Variants in HAPSTR1 observed in about 807,000 individuals in gnomAD.
HAPSTR1 encodes the protein HUWE1-associated protein modifying stress responses 1.
chr16:9,095,004 C>CA, the HAPSTR1 span, among the ~76,000 whole-genome samples: 1 of 152,174 alleles, frequency 6.6e-6, no homozygotes. Flanking sequence ...AAAATGTTTA[C>CA]AATTTGTTTG....
At chr16:9,096,016 G>T in the HAPSTR1 span, among the ~76,000 whole-genome samples, 2 of 152,154 alleles carry the variant, frequency 1.3e-5, no homozygotes, top group African/African-American at 4.8e-5. Context: ...ATCTGGCTAG[G>T]GTTGATGTTT....
At chr16:9,106,048 T>A in the HAPSTR1 span, 1 of 152,172 alleles carries the variant, frequency 6.6e-6, no homozygotes, top group South Asian at 2.1e-4. Context: ...AGATCCCCAG[T>A]CATTGCCCTT....
the HAPSTR1 span, chr16:9,092,375 G>A: frequency 1.7e-4 from 178 of 1,063,044 alleles, no homozygotes; most frequent in African/African-American, 2.5e-3. Context: ...GACGGCGGCG[G>A]CCTCGGGGAT....
chr16:9,105,118 CAT>C, the HAPSTR1 span: 17 of 152,176 alleles, frequency 1.1e-4, no homozygotes, highest in Non-Finnish European at 2.2e-4. Context: ...TACATTTTCT[CAT>C]ATTGAATCTG....
the HAPSTR1 span, chr16:9,102,940 C>T: frequency 1.9e-6 from 3 of 1,590,628 alleles, no homozygotes; most frequent in Admixed American, 5.2e-5. Flanking sequence ...AATACGGGCT[C>T]TAATGGTCAT....
chr16:9,100,196 AT>A, the HAPSTR1 span, among the ~76,000 whole-genome samples: 1 of 152,188 alleles, frequency 6.6e-6, no homozygotes, highest in Non-Finnish European at 1.5e-5. Context: ...TTATCTCAGA[AT>A]TTTTGAGGTG....
the HAPSTR1 span, among the ~76,000 whole-genome samples, chr16:9,096,860 GT>G: frequency 6.6e-6 from 1 of 151,884 alleles, no homozygotes; most frequent in African/African-American, 2.4e-5. Flanking sequence ...TGAAAAAATT[GT>G]AGCTTTGTCA....
At chr16:9,110,340 A>C in the HAPSTR1 span, 657 of 152,268 alleles carry the variant, frequency 4.3e-3, 6 homozygotes, top group African/African-American at 0.015. Context: ...AATGTTTTAG[A>C]AAGAAGAATG....
chr16:9,097,709 T>G, the HAPSTR1 span, among the ~76,000 whole-genome samples: 11 of 152,230 alleles, frequency 7.2e-5, no homozygotes, highest in African/African-American at 2.4e-4. Flanking sequence ...CTGTGTGCAC[T>G]CGCACACTTT....
chr16:9,115,306 A>C, the HAPSTR1 span, among the ~76,000 whole-genome samples: 1 of 152,256 alleles, frequency 6.6e-6, no homozygotes, highest in Non-Finnish European at 1.5e-5. Context: ...CCCCTGTCAA[A>C]TGAAACCTCT....
At chr16:9,097,399 G>A in the HAPSTR1 span, among the ~76,000 whole-genome samples, 3 of 151,852 alleles carry the variant, frequency 2.0e-5, no homozygotes, top group Non-Finnish European at 1.5e-5. Context: ...CCATCACCAT[G>A]CCCAGCTAAG....
chr16:9,119,621 A>G, the HAPSTR1 span: 1 of 152,272 alleles, frequency 6.6e-6, no homozygotes, highest in African/African-American at 2.4e-5. Context: ...ACCTGCAGTC[A>G]GATTCTTCAA....
chr16:9,113,821 A>G, the HAPSTR1 span, among the ~76,000 whole-genome samples: 1 of 152,236 alleles, frequency 6.6e-6, no homozygotes, highest in South Asian at 2.1e-4. Flanking sequence ...CTTTAAAAAA[A>G]AGCCAACAAT....
chr16:9,105,392 G>A, the HAPSTR1 span: 2 of 152,208 alleles, frequency 1.3e-5, no homozygotes, highest in Non-Finnish European at 2.9e-5. Context: ...TTGTGGTGAA[G>A]TAATAGGGCC....
At chr16:9,102,444 A>G in the HAPSTR1 span, among the ~76,000 whole-genome samples, 2 of 152,268 alleles carry the variant, frequency 1.3e-5, no homozygotes, top group African/African-American at 4.8e-5. Flanking sequence ...AAGCAAAATG[A>G]GTATACCCAG....
chr16:9,098,793 A>G, the HAPSTR1 span, among the ~76,000 whole-genome samples: 2 of 152,132 alleles, frequency 1.3e-5, no homozygotes, highest in East Asian at 1.9e-4. Context: ...TTGTGCTCTT[A>G]TGGTTTGTAG....
the HAPSTR1 span, chr16:9,119,250 A>G: frequency 4.6e-5 from 7 of 152,230 alleles, no homozygotes; most frequent in Non-Finnish European, 1.0e-4. Context: ...AAAACTTCTG[A>G]CAGCTAGGTT....
At chr16:9,120,347 T>G in the HAPSTR1 span, 1 of 152,224 alleles carries the variant, frequency 6.6e-6, no homozygotes, top group Non-Finnish European at 1.5e-5. Context: ...CTTTGGAATA[T>G]TTGAGGTGTG....
At chr16:9,097,914 T>C in the HAPSTR1 span, among the ~76,000 whole-genome samples, 1 of 152,302 alleles carries the variant, frequency 6.6e-6, no homozygotes, top group East Asian at 1.9e-4. Context: ...CACAACCCCT[T>C]GAGCAAATGT....
Sources: allele counts gnomAD v4.1 joint callset (sites outside exome capture counted in the v4.1 genomes callset), GRCh38; gene constraint gnomAD v4.1.1; transcripts MANE v1.5; gene names NCBI Gene and HGNC (gene_info 2026-07-23, HGNC 2026-07-21).